MRM3: variants seen among roughly 807,000 people sequenced by gnomAD.
The protein encoded by MRM3 is mitochondrial rRNA methyltransferase 3, also known as rRNA methyltransferase 3, mitochondrial.
MRM3 carries 26 observed loss-of-function variants against 29.4 expected under a neutral mutation model. The ratio of observed to expected loss-of-function variants is 0.89; its 90% CI spans 0.65 to 1.23. The LOEUF (loss-of-function observed/expected upper bound fraction) is 1.23. Among genes scored for constraint, MRM3 ranks in the 50% most tolerant of loss-of-function variants. The pLI is 0.00. For synonymous variants in MRM3, 225 were observed against 219.0 expected (o/e 1.03, Z -0.24); for missense variants, 578 against 540.2 (o/e 1.07, Z -0.69).
chr17:784,231 TGA>T (rs2144517177), intron 2 of MRM3, among the ~76,000 whole-genome samples: 1 of 152,358 alleles, frequency 6.6e-6, no homozygotes, highest in East Asian at 1.9e-4. Flanking sequence ...CTTGAACTGC[TGA>T]GAGAGGAGAT....
chr17:784,410 G>A (rs1478325192), intron 2 of MRM3, among the ~76,000 whole-genome samples: 1 of 152,122 alleles, frequency 6.6e-6, no homozygotes, highest in Admixed American at 6.5e-5. Context: ...TAATCCACAC[G>A]CCATGCTTCA....
In MRM3 at chr17:792,351, C is replaced by A. The variant is rs371262394; in HGVS notation, c.*282C>A. On this transcript the variant is annotated 3_prime_UTR_variant, in exon 4 of 4. Coordinates refer to ENST00000304478, the MANE Select transcript of MRM3 (RefSeq NM_018146.4). ...ATTGTCCACCAAGAAGCACTTTGTG[C>A]CCAGAAAGTTCCTGAAGCATCATCC... is the stretch of plus-strand genomic sequence containing the variant. The A allele has an allele frequency of 1.8e-4, 63 of 348,632 alleles. No homozygotes were observed. The South Asian group carries it at 1.9e-3, about 11-fold the overall frequency. The allele number at this position is 348,632 out of a possible 1,614,324, so 21.6% of individuals were successfully genotyped here.
chr17:784,051 A>G lies in MRM3; in HGVS notation c.559+724A>G, dbSNP rs377420582. Among the ~76,000 whole-genome samples, 77 of 152,336 alleles carry G rather than the reference A, an allele frequency of 5.1e-4. No individual in the cohort carries two copies. The East Asian group carries it at 9.6e-3, about 19-fold the overall frequency. On this transcript the variant is annotated intron_variant, in intron 2 of 3. Coordinates refer to ENST00000304478, the MANE Select transcript of MRM3 (RefSeq NM_018146.4). ...ACAATTTACTGCCCCGTTTAGCCCA[A>G]TAAACAGAGAACCTTGTCTTCTAGT... is the stretch of plus-strand genomic sequence containing the variant.
chr17:789,151 T>C (rs1329246187), intron 3 of MRM3, among the ~76,000 whole-genome samples: 1 of 152,186 alleles, frequency 6.6e-6, no homozygotes, highest in East Asian at 1.9e-4. Context: ...AAAATTATCA[T>C]GAAACCTGCT....
intron 3 of MRM3, among the ~76,000 whole-genome samples, chr17:789,107 T>C (rs1408007565): frequency 1.3e-5 from 2 of 152,180 alleles, no homozygotes; most frequent in African/African-American, 4.8e-5. Flanking sequence ...TTATAGGCAT[T>C]AGCCGCCATA....
At chr17:791,386 C>CA in intron 3 of MRM3, 148 bp from the exon 4 acceptor site, 1 of 763,118 alleles carries the variant, frequency 1.3e-6, no homozygotes, top group Non-Finnish European at 2.1e-6. Flanking sequence ...TGGATGCTGT[C>CA]AGAGAGAGGC....
At position 792,129 on chromosome 17, in the gene MRM3, G is replaced by A. The variant is rs1001080305; in HGVS notation, c.*60G>A. The A allele has an allele frequency of 2.2e-5, 33 of 1,508,202 alleles. No homozygotes were observed. The Admixed American group carries it at 6.8e-4, about 31-fold the overall frequency. The allele number at this position is 1,508,202 out of a possible 1,614,324, so 93.4% of individuals were successfully genotyped here. On this transcript the variant is annotated 3_prime_UTR_variant, in exon 4 of 4. Coordinates refer to ENST00000304478, the MANE Select transcript of MRM3 (RefSeq NM_018146.4). Reference sequence around the variant, plus strand: ...CAGCTCCTCCTACACCAGCACACTGGTGGGAGGCTGGCGGAGTCAGTGACT... The same window carrying A: ...CAGCTCCTCCTACACCAGCACACTGATGGGAGGCTGGCGGAGTCAGTGACT...
intron 2 of MRM3, among the ~76,000 whole-genome samples, chr17:786,143 C>T (rs1242929112): frequency 6.6e-6 from 1 of 152,216 alleles, no homozygotes; most frequent in Non-Finnish European, 1.5e-5. Context: ...CTCTGTTGCC[C>T]AGGCCGGAAT....
Position 783,296 on chromosome 17 carries a change from G to A in MRM3, c.528G>A (p.Trp176Ter). ...TGAAATTTGAGGATATCAAGGATTG[G>A]TCCGACCTCGTAACGCCACAAGGAA... The part of the protein sequence containing the change: ...IKVKFEDIKD[W>*]SDLVTPQGIM... Residue 176 changes from tryptophan to a stop codon, truncating the protein, a stop_gained, in exon 2 of 4, where the codon TGG (tryptophan) becomes TGA (stop). Coordinates refer to ENST00000304478, the MANE Select transcript of MRM3 (RefSeq NM_018146.4). LOFTEE classifies it high-confidence loss of function. The A allele has an allele frequency of 6.2e-7, 1 of 1,613,612 alleles. No individual in the cohort carries two copies. Among genetic ancestry groups the A allele is most frequent in the Non-Finnish European group, 8.5e-7 (1 of 1,179,832 alleles).
rs1910269308 is a variant in MRM3 at position 783,127 on chromosome 17, A to G, written c.359A>G (p.Gln120Arg). Residue 120 changes from glutamine (Q) to arginine (R), a missense_variant, in exon 2 of 4, where the codon CAA becomes CGA. By Grantham distance (43) the Gln-to-Arg change is conservative (BLOSUM62 1). Transcript: ENST00000304478. The part of the protein sequence containing the change: ...IVKSRPFREK[Q>R]GKILLEGRRL... ...AAGTCCAGGCCATTTCGGGAAAAAC[A>G]AGGGAAGATCCTGCTGGAAGGTCGC... 1.2e-6 allele frequency: 2 copies of G among 1,613,964 alleles called. No homozygotes were observed. The highest frequency in any genetic ancestry group is 1.1e-5 in the South Asian group (1 of 91,086).
At chr17:785,170 A>T (rs1567799137) in intron 2 of MRM3, among the ~76,000 whole-genome samples, 1 of 152,190 alleles carries the variant, frequency 6.6e-6, no homozygotes, top group Admixed American at 6.5e-5. Flanking sequence ...GCTTAAAAAA[A>T]AAAGCTTACT....
rs746125987 is a variant in MRM3, at chr17:788,113, CAA to C, written c.710_711del (p.Lys237SerfsTer31). On this transcript the variant is annotated frameshift_variant, in exon 3 of 4. Transcript: ENST00000304478. LOFTEE classifies it high-confidence loss of function. Reference sequence around the variant, plus strand: ...GATCTGCAGCTGGGGCAGGCTGCAGCAAAGTGTTACTCACCAAAGGTAAGGAC... The same window carrying C: ...GATCTGCAGCTGGGGCAGGCTGCAGCAGTGTTACTCACCAAAGGTAAGGAC... ...LRSAAGAGCS[K>X]VLLTKGCVDA... 2 of 1,614,142 alleles carry C rather than the reference CAA, an allele frequency of 1.2e-6. No homozygotes were observed. The highest frequency in any genetic ancestry group is 8.5e-7 in the Non-Finnish European group (1 of 1,180,024).
chr17:785,593 G>A (rs943665876), intron 2 of MRM3, among the ~76,000 whole-genome samples: 6 of 152,188 alleles, frequency 3.9e-5, no homozygotes, highest in Non-Finnish European at 8.8e-5. Context: ...AAGCTCCCAG[G>A]CTTCTGGACC....
chr17:784,480 C>G (rs572174543), intron 2 of MRM3, among the ~76,000 whole-genome samples: 55 of 151,920 alleles, frequency 3.6e-4, no homozygotes, highest in African/African-American at 1.3e-3. Flanking sequence ...CTCACAGTGG[C>G]CAGCCCATCT....
chr17:782,747 C>A (rs1323071670), intron 1 of MRM3, 55 bp downstream of exon 1: 2 of 1,531,074 alleles, frequency 1.3e-6, no homozygotes, highest in East Asian at 4.6e-5. Context: ...CGTCGCACAG[C>A]GGAACCTTAA....
Position 782,709 on chromosome 17 carries a change from G to C in MRM3, c.314+17G>C. On this transcript the variant is annotated intron_variant, in intron 1 of 3. Coordinates refer to ENST00000304478, the MANE Select transcript of MRM3 (RefSeq NM_018146.4). ...GAGGCTGAGGTGATGTGGTTCTTGAGCCTGTCGAATGTTCTCGTTTCCCTT... is the reference window on the plus strand; with the variant it reads ...GAGGCTGAGGTGATGTGGTTCTTGACCCTGTCGAATGTTCTCGTTTCCCTT... 3 of 1,579,514 alleles carry C rather than the reference G, an allele frequency of 1.9e-6. No individual in the cohort carries two copies. Among genetic ancestry groups the C allele is most frequent in the Non-Finnish European group, 1.7e-6 (2 of 1,158,278 alleles).
intron 1 of MRM3, 105 bp downstream of exon 1, chr17:782,797 G>A: frequency 3.2e-6 from 4 of 1,251,386 alleles, no homozygotes. Flanking sequence ...ACAGCCCGCT[G>A]GTTTTTGTAT....
chr17:785,319 T>C (rs1201662986), intron 2 of MRM3, among the ~76,000 whole-genome samples: 4 of 152,184 alleles, frequency 2.6e-5, no homozygotes, highest in African/African-American at 9.6e-5. Flanking sequence ...AATATTGTTA[T>C]TAGCCTTTTT....
intron 3 of MRM3, chr17:789,597 G>A (rs907791402): frequency 2.0e-5 from 3 of 152,168 alleles, no homozygotes; most frequent in Non-Finnish European, 4.4e-5. Flanking sequence ...AGTGGCACCC[G>A]TTGTTGAGAC....
Sources: gnomAD v4.1 joint callset for allele counts (sites outside exome capture counted in the v4.1 genomes callset) on GRCh38, gnomAD v4.1.1 for gene constraint, MANE v1.5 for transcripts, NCBI Gene and HGNC (gene_info 2026-07-23, HGNC 2026-07-21) for gene names.